Variants in ENOX2 observed in about 807,000 individuals in gnomAD.
ENOX2 encodes the protein ecto-NOX disulfide-thiol exchanger 2, also known as APK1 antigen.
ENOX2 carries 36 observed loss-of-function variants against 45.0 expected under a neutral mutation model. That is an observed-to-expected ratio of 0.80 (90% CI 0.61 to 1.06). The LOEUF (loss-of-function observed/expected upper bound fraction) is 1.06, where lower values mean the gene tolerates loss of function less well. Among genes scored for constraint, ENOX2 ranks in the 50% least tolerant of loss-of-function variants. ENOX2 has a pLI of 0.00. For missense variants in ENOX2, 423 were observed against 462.5 expected (o/e 0.91, Z 0.78); for synonymous variants, 174 against 152.3 (o/e 1.14, Z -1.05).
At chrX:130,626,190 C>T (rs947049934) in intron 14 of ENOX2, among the ~76,000 whole-genome samples, 2 of 111,292 alleles carry the variant, frequency 1.8e-5, no homozygotes, top group Non-Finnish European at 3.8e-5. Flanking sequence ...TTTGGGAGAC[C>T]CTGGCACTAC....
At chrX:130,628,072 C>T (rs767601915) in intron 13 of ENOX2, 29 bp from the exon 14 acceptor site, 1 of 1,048,856 alleles carries the variant, frequency 9.5e-7, no homozygotes, top group Non-Finnish European at 1.3e-6. Context: ...GGAGGTTATA[C>T]TTGAGCCTTG....
At chrX:130,763,522 C>T (rs1289510732) in intron 3 of ENOX2, among the ~76,000 whole-genome samples, 1 of 110,506 alleles carries the variant, frequency 9.0e-6, no homozygotes, top group African/African-American at 3.3e-5. Context: ...ATGGCCTTTC[C>T]TGTTACAGTG....
In ENOX2 at chrX:130,645,979, C is replaced by G. The variant is rs188440466; in HGVS notation, c.1130-8569G>C. ...TCCATTCAAGGGAAACACCTCATCA[C>G]GGATGAACTCAGCTACGTTTGTGAG... On this transcript the variant is annotated intron_variant, in intron 10 of 14. Transcript: ENST00000394363. The G allele has an allele frequency of 5.6e-5, 36 of 644,462 alleles. No homozygotes were observed. The East Asian group carries it at 1.1e-3, about 20-fold the overall frequency. 53.1% of individuals were successfully genotyped at this position (644,462 alleles called of 1,213,427 possible). A position where few individuals can be genotyped will look rare whatever the true frequency, so the allele number is the denominator to read the frequency against.
intron 6 of ENOX2, among the ~76,000 whole-genome samples, chrX:130,676,716 C>T (rs1052210070): frequency 2.8e-5 from 3 of 107,487 alleles, no homozygotes; most frequent in Admixed American, 9.9e-5. Context: ...AGAGTATTCT[C>T]CATCTACACC....
At chrX:130,894,343 TAAAGTA>T (rs1396735902) in intron 2 of ENOX2, among the ~76,000 whole-genome samples, 1 of 102,080 alleles carries the variant, frequency 9.8e-6, no homozygotes, top group Non-Finnish European at 2.0e-5. Flanking sequence ...TCCTAGAACT[TAAAGTA>T]AAATTTAAAA....
chrX:130,752,169 TTTTTTA>T (rs1210883639), intron 3 of ENOX2, among the ~76,000 whole-genome samples: 1 of 110,439 alleles, frequency 9.1e-6, no homozygotes, highest in African/African-American at 3.3e-5. Flanking sequence ...TTAACCTTTC[TTTTTTA>T]GTCTGTCTCT....
At chrX:130,813,238 A>C (rs2077422598) in intron 2 of ENOX2, among the ~76,000 whole-genome samples, 1 of 112,095 alleles carries the variant, frequency 8.9e-6, no homozygotes, top group Non-Finnish European at 1.9e-5. Context: ...CATTCCTTTA[A>C]AGTCAATTGA....
At chrX:130,783,464 G>A (rs928332105) in intron 3 of ENOX2, 83 bp downstream of exon 3, 1 of 311,910 alleles carries the variant, frequency 3.2e-6, no homozygotes, top group Non-Finnish European at 6.1e-6. Flanking sequence ...CTCTAGCATA[G>A]TATGTGACCT....
At chrX:130,625,481 G>A in intron 14 of ENOX2, 36 bp from the exon 15 acceptor site, 1 of 1,184,950 alleles carries the variant, frequency 8.4e-7, no homozygotes, top group Non-Finnish European at 1.1e-6. Context: ...TTCAAAACCA[G>A]TTCTATTTTC....
intron 2 of ENOX2, among the ~76,000 whole-genome samples, chrX:130,807,529 T>C (rs1211741363): frequency 1.8e-5 from 2 of 111,749 alleles, no homozygotes; most frequent in South Asian, 7.5e-4. Flanking sequence ...TCACAGCTAA[T>C]TAATGGCAGA....
chrX:130,815,706 T>C (rs950850537), intron 2 of ENOX2, among the ~76,000 whole-genome samples: 3 of 111,975 alleles, frequency 2.7e-5, no homozygotes, highest in Non-Finnish European at 5.6e-5. Context: ...CTGAGAGGTT[T>C]GGTCACCACC....
chrX:130,846,041 T>C (rs182207617), intron 2 of ENOX2, among the ~76,000 whole-genome samples: 111 of 111,558 alleles, frequency 9.9e-4, no homozygotes, highest in African/African-American at 3.1e-3. Flanking sequence ...TACACAAATA[T>C]ATCATTATAT....
intron 2 of ENOX2, among the ~76,000 whole-genome samples, chrX:130,821,598 G>A (rs2077600394): frequency 1.2e-5 from 1 of 84,430 alleles, no homozygotes; most frequent in Admixed American, 1.4e-4. Flanking sequence ...GCTAGATGAC[G>A]AGTTAGTGGG....
chrX:130,664,094 A>C (rs1299319938), intron 9 of ENOX2, among the ~76,000 whole-genome samples: 1 of 111,723 alleles, frequency 9.0e-6, no homozygotes, highest in Non-Finnish European at 1.9e-5. Context: ...GCTATTTGTG[A>C]CTCTACCAAC....
chrX:130,710,322 G>A lies in ENOX2; in HGVS notation c.-38-7068C>T, dbSNP rs190331608. ...TGACCACTATGCCCTACTAAACTAG[G>A]GGGTTCATCAAGTTATAGAATATTT... is the stretch of plus-strand genomic sequence containing the variant. On this transcript the variant is annotated intron_variant, in intron 3 of 14. Coordinates refer to ENST00000394363, the MANE Select transcript of ENOX2 (RefSeq NM_006375.4). 1.2e-3 allele frequency among the ~76,000 whole-genome samples: 134 copies of A among 111,998 alleles called. 1 individual carries two copies. The highest frequency in any genetic ancestry group is 0.011 in the Admixed American group (119 of 10,626).
chrX:130,838,239 G>C (rs186492130), intron 2 of ENOX2, among the ~76,000 whole-genome samples: 8 of 111,252 alleles, frequency 7.2e-5, no homozygotes, highest in African/African-American at 2.6e-4. Flanking sequence ...AACATTAGCC[G>C]GGCATAGTGG....
At chrX:130,715,137 C>A (rs1002562163) in intron 3 of ENOX2, among the ~76,000 whole-genome samples, 5 of 111,323 alleles carry the variant, frequency 4.5e-5, no homozygotes, top group African/African-American at 1.3e-4. Context: ...TTTGTATTCC[C>A]AGTAGGTTGA....
chrX:130,646,923 C>T (rs960918537), intron 10 of ENOX2, among the ~76,000 whole-genome samples: 1 of 111,923 alleles, frequency 8.9e-6, no homozygotes. Context: ...GTTTGTATTT[C>T]GACAGTATCA....
intron 10 of ENOX2, among the ~76,000 whole-genome samples, chrX:130,646,484 TG>T (rs1310531778): frequency 4.4e-5 from 5 of 112,694 alleles, no homozygotes; most frequent in Non-Finnish European, 9.4e-5. Context: ...TTGTCATCTT[TG>T]GCTTCATTCA....
Sources: allele counts gnomAD v4.1 joint callset (sites outside exome capture counted in the v4.1 genomes callset), GRCh38; gene constraint gnomAD v4.1.1; transcripts MANE v1.5; gene names NCBI Gene and HGNC (gene_info 2026-07-23, HGNC 2026-07-21).